CCDC3: variants seen among roughly 807,000 people sequenced by gnomAD.
CCDC3 encodes coiled-coil domain containing 3.
CCDC3 carries 24 observed loss-of-function variants against 21.4 expected under a neutral mutation model. The observed-to-expected ratio is 1.12, with a 90% CI of 0.81 to 1.58. The LOEUF (loss-of-function observed/expected upper bound fraction) is 1.58, where lower values mean the gene tolerates loss of function less well. CCDC3 is among the 40% of genes most tolerant of loss of function. CCDC3 has a pLI of 0.00. For missense variants in CCDC3, 425 were observed against 360.9 expected (o/e 1.18, Z -1.44); for synonymous variants, 186 against 166.0 (o/e 1.12, Z -0.93).
At chr10:12,917,180 CTTTTTTTTTTTTTTTTT>C (rs56054100) in intron 2 of CCDC3, among the ~76,000 whole-genome samples, 9 of 58,238 alleles carry the variant, frequency 1.5e-4, no homozygotes, top group African/African-American at 2.0e-4. Context: ...ATTTCTTCTT[CTTTTTTTTTTTTTTTTT>C]TTTTTTTTTT....
chr10:13,074,699 C>T (rs4750308), intron 3 of CCDC3, among the ~76,000 whole-genome samples: 5 of 151,902 alleles, frequency 3.3e-5, no homozygotes, highest in South Asian at 2.1e-4. Context: ...CACAAATACG[C>T]GTGCACACAC....
At chr10:13,081,164 A>T (rs1191294170) in intron 3 of CCDC3, among the ~76,000 whole-genome samples, 1 of 42,314 alleles carries the variant, frequency 2.4e-5, no homozygotes, top group East Asian at 5.5e-4. Flanking sequence ...ACTATAAAGT[A>T]AAAAAAAAAA....
At chr10:13,038,115 C>T (rs1024428642) in intron 5 of CCDC3, among the ~76,000 whole-genome samples, 17 of 152,026 alleles carry the variant, frequency 1.1e-4, no homozygotes, top group African/African-American at 3.6e-4. Context: ...GAACAGAAAA[C>T]CAAATACCAC....
intron 4 of CCDC3, among the ~76,000 whole-genome samples, chr10:13,068,057 T>TG (rs201580132): frequency 6.6e-6 from 1 of 152,158 alleles, no homozygotes; most frequent in Non-Finnish European, 1.5e-5. Flanking sequence ...CCTGGGGGCA[T>TG]GGGACTCCTT....
At chr10:12,935,671 T>TC in intron 2 of CCDC3, among the ~76,000 whole-genome samples, 1 of 137,290 alleles carries the variant, frequency 7.3e-6, no homozygotes, top group East Asian at 2.0e-4. Context: ...CAAGTACATT[T>TC]TTTTTTTTTT....
At chr10:12,987,446 C>CT (rs59225640) in intron 2 of CCDC3, among the ~76,000 whole-genome samples, 2 of 152,058 alleles carry the variant, frequency 1.3e-5, no homozygotes, top group East Asian at 1.9e-4. Context: ...AGTATGTTAC[C>CT]TTTTTTTAAA....
At chr10:12,911,932 T>A (rs765829771) in intron 2 of CCDC3, among the ~76,000 whole-genome samples, 1 of 152,214 alleles carries the variant, frequency 6.6e-6, no homozygotes, top group Non-Finnish European at 1.5e-5. Context: ...TTATTTCACT[T>A]AATATCCTCC....
Position 13,001,248 on chromosome 10 carries a change from G to C in CCDC3, c.323C>G (p.Ser108Trp). ...CTGGACCACGGTGTGGGAGTGGCAC[G>C]AGAAGTAGCCCAGGCCGGTGAGGTT... ...RLNLTGLGYF[S>W]CHSHTVVQDY... The change falls in exon 1 of 3, where the codon TCG becomes TGG. Residue 108 changes from serine (S) to tryptophan (W), a missense_variant. Transcript: ENST00000378825. 1 of 1,589,524 alleles carries C rather than the reference G, an allele frequency of 6.3e-7. No homozygotes were observed. The highest frequency in any genetic ancestry group is 8.6e-7 in the Non-Finnish European group (1 of 1,168,960).
chr10:12,946,502 A>G (rs1047748317), intron 2 of CCDC3, among the ~76,000 whole-genome samples: 3 of 152,216 alleles, frequency 2.0e-5, no homozygotes, highest in African/African-American at 7.2e-5. Context: ...ATCATGCCCA[A>G]TAAGACAAAT....
chr10:13,008,007 A>G (rs1835944304), intron 5 of CCDC3, among the ~76,000 whole-genome samples: 1 of 152,138 alleles, frequency 6.6e-6, no homozygotes, highest in African/African-American at 2.4e-5. Context: ...AATGCAGAGG[A>G]GTGGCCCACT....
intron 4 of CCDC3, among the ~76,000 whole-genome samples, chr10:13,060,986 C>A (rs1418349709): frequency 1.3e-5 from 2 of 152,104 alleles, no homozygotes; most frequent in Non-Finnish European, 2.9e-5. Flanking sequence ...AGGCATGGCC[C>A]AAGATTAGAT....
chr10:13,074,378 G>T (rs1340029842), intron 3 of CCDC3, among the ~76,000 whole-genome samples: 2 of 114,542 alleles, frequency 1.7e-5, no homozygotes, highest in African/African-American at 6.5e-5. Context: ...TAGAGACGGG[G>T]TTTTTCCATA....
chr10:13,051,767 G>C (rs1006831463), intron 4 of CCDC3, among the ~76,000 whole-genome samples: 1 of 152,040 alleles, frequency 6.6e-6, no homozygotes, highest in Non-Finnish European at 1.5e-5. Flanking sequence ...CAGCGTCCCA[G>C]ACCCAGGAGT....
intron 2 of CCDC3, among the ~76,000 whole-genome samples, chr10:12,929,003 C>G (rs1461613051): frequency 1.3e-5 from 2 of 152,072 alleles, no homozygotes; most frequent in Non-Finnish European, 2.9e-5. Context: ...ATGGCTCATG[C>G]CTGTAATCCC....
At chr10:13,045,984 G>A (rs1201979329) in intron 5 of CCDC3, among the ~76,000 whole-genome samples, 1 of 151,764 alleles carries the variant, frequency 6.6e-6, no homozygotes, top group Non-Finnish European at 1.5e-5. Flanking sequence ...AGCTACTCAG[G>A]AAGGCTGAGG....
At chr10:13,069,148 G>C (rs187657132) in intron 4 of CCDC3, among the ~76,000 whole-genome samples, 40 of 152,206 alleles carry the variant, frequency 2.6e-4, no homozygotes, top group Non-Finnish European at 5.4e-4. Flanking sequence ...CCAGCTACTC[G>C]GGAGGCTGAG....
chr10:12,921,433 C>T (rs902799166), intron 2 of CCDC3, among the ~76,000 whole-genome samples: 41 of 152,202 alleles, frequency 2.7e-4, no homozygotes, highest in African/African-American at 7.5e-4. Context: ...CTCCCCGACT[C>T]GTCCCATTGG....
Position 12,898,632 on chromosome 10 carries a change from G to A in CCDC3, c.597C>T (p.His199=), listed in dbSNP as rs148972994. 8.1e-6 allele frequency: 13 copies of A among 1,614,062 alleles called. No homozygotes were observed. Among genetic ancestry groups the A allele is most frequent in the African/African-American group, 5.3e-5 (4 of 74,920 alleles). The change falls in exon 3 of 3, where the codon CAC becomes CAT. Residue 199 remains histidine (H), a synonymous_variant. Transcript: ENST00000378825. The stretch of plus-strand genomic sequence containing the variant: ...CCACTTTCTGCTGCAGTTTCTTGAC[G>A]TGGTCCTCCTCCTCAAACAAGGCCT... ...VQKALFEEED[H]VKKLQQKVAT...
chr10:12,983,128 G>T, intron 2 of CCDC3, among the ~76,000 whole-genome samples: 1 of 117,858 alleles, frequency 8.5e-6, no homozygotes, highest in African/African-American at 3.2e-5. Context: ...AAATAAAATA[G>T]TGTATATATA....
Sources: gnomAD v4.1 joint callset for allele counts (sites outside exome capture counted in the v4.1 genomes callset) on GRCh38, gnomAD v4.1.1 for gene constraint, MANE v1.5 for transcripts, NCBI Gene and HGNC (gene_info 2026-07-23, HGNC 2026-07-21) for gene names.